Variants in SYT14 observed in about 807,000 individuals in gnomAD.
SYT14 encodes synaptotagmin 14, also known as synaptotagmin-14.
Under a neutral mutation model 74.2 loss-of-function variants are expected in SYT14, and 32 were observed. That is an observed-to-expected ratio of 0.43 (90% CI 0.33 to 0.58). The LOEUF is 0.58. Among genes scored for constraint, SYT14 ranks in the 20% least tolerant of loss-of-function variants. The pLI is 0.05. For synonymous variants in SYT14, 298 were observed against 337.7 expected, an observed-to-expected ratio of 0.88 and a Z score of 1.29; for missense variants, 791 against 981.8, an observed-to-expected ratio of 0.81 and a Z score of 2.60.
At chr1:210,045,687 A>G (rs541687875) in intron 5 of SYT14, among the ~76,000 whole-genome samples, 2 of 152,338 alleles carry the variant, frequency 1.3e-5, no homozygotes, top group Non-Finnish European at 2.9e-5. Context: ...ATTTGGAGAT[A>G]TATTTATCAG....
intron 5 of SYT14, among the ~76,000 whole-genome samples, chr1:210,044,580 G>A (rs1050997559): frequency 6.6e-6 from 1 of 152,162 alleles, no homozygotes; most frequent in Non-Finnish European, 1.5e-5. Context: ...TCTGGATCTT[G>A]TAGTTTTGAT....
intron 1 of SYT14, among the ~76,000 whole-genome samples, chr1:209,941,354 A>G (rs1201666685): frequency 6.6e-6 from 1 of 152,180 alleles, no homozygotes; most frequent in African/African-American, 2.4e-5. Flanking sequence ...TTTGAAAGGC[A>G]TTTTGAAATA....
intron 5 of SYT14, among the ~76,000 whole-genome samples, chr1:210,083,636 C>A (rs959755971): frequency 6.6e-6 from 1 of 151,596 alleles, no homozygotes; most frequent in Non-Finnish European, 1.5e-5. Flanking sequence ...GTGGTGTGAT[C>A]ATGGCTCACT....
intron 7 of SYT14, among the ~76,000 whole-genome samples, chr1:210,121,539 A>T (rs940013244): frequency 2.0e-5 from 3 of 152,198 alleles, no homozygotes; most frequent in African/African-American, 4.8e-5. Context: ...TCACACCTGT[A>T]ATCCCAGCAC....
At chr1:209,948,072 T>C (rs2078850493) in intron 1 of SYT14, among the ~76,000 whole-genome samples, 1 of 152,232 alleles carries the variant, frequency 6.6e-6, no homozygotes, top group East Asian at 1.9e-4. Context: ...ACATAACTTT[T>C]GTATGCACTG....
chr1:209,944,256 C>T (rs1223198428), intron 1 of SYT14, among the ~76,000 whole-genome samples: 1 of 152,070 alleles, frequency 6.6e-6, no homozygotes, highest in Non-Finnish European at 1.5e-5. Flanking sequence ...TTTTTGTGAG[C>T]ACATACTTAA....
chr1:209,953,612 A>G (rs982698528), intron 2 of SYT14, among the ~76,000 whole-genome samples: 2 of 152,178 alleles, frequency 1.3e-5, no homozygotes, highest in Non-Finnish European at 2.9e-5. Context: ...ATGGCAGGAA[A>G]ATATCAGCAT....
chr1:210,139,016 AAT>A (rs2082849305), intron 7 of SYT14, among the ~76,000 whole-genome samples: 1 of 152,090 alleles, frequency 6.6e-6, no homozygotes. Flanking sequence ...TAAATGTACT[AAT>A]ACAATGCTAT....
At chr1:210,029,313 C>T (rs768041273) in intron 5 of SYT14, among the ~76,000 whole-genome samples, 38 of 151,984 alleles carry the variant, frequency 2.5e-4, no homozygotes, top group Non-Finnish European at 4.6e-4. Context: ...GTTTTCTGTG[C>T]CTTTGATGTC....
At chr1:210,130,102 C>T (rs1218926860) in intron 7 of SYT14, among the ~76,000 whole-genome samples, 2 of 152,304 alleles carry the variant, frequency 1.3e-5, no homozygotes, top group African/African-American at 4.8e-5. Context: ...CCATATCATT[C>T]AGAAAACTAT....
At chr1:209,946,045 T>G (rs2078818059) in intron 1 of SYT14, among the ~76,000 whole-genome samples, 1 of 152,216 alleles carries the variant, frequency 6.6e-6, no homozygotes, top group Non-Finnish European at 1.5e-5. Flanking sequence ...TTGATGCTAC[T>G]ATTGTAATTG....
chr1:210,026,614 A>G (rs978032526), intron 5 of SYT14, among the ~76,000 whole-genome samples: 5 of 148,760 alleles, frequency 3.4e-5, no homozygotes, highest in Non-Finnish European at 7.4e-5. Context: ...TTACACACAC[A>G]CACACACACA....
intron 7 of SYT14, among the ~76,000 whole-genome samples, chr1:210,126,092 A>G (rs1034778944): frequency 6.6e-6 from 1 of 152,092 alleles, no homozygotes; most frequent in African/African-American, 2.4e-5. Context: ...AATTCCAGCT[A>G]TGCGGGAGCC....
At chr1:209,957,087 T>A (rs1446604498) in intron 2 of SYT14, among the ~76,000 whole-genome samples, 1 of 152,170 alleles carries the variant, frequency 6.6e-6, no homozygotes, top group South Asian at 2.1e-4. Context: ...GACTGAGTTA[T>A]GCTGAAAGTA....
chr1:210,069,007 TC>T (rs932298692), intron 5 of SYT14, among the ~76,000 whole-genome samples: 2 of 151,920 alleles, frequency 1.3e-5, no homozygotes, highest in African/African-American at 4.8e-5. Flanking sequence ...TTATAATTTT[TC>T]TAATTGCTGT....
At chr1:210,123,936 C>T (rs569014639) in intron 7 of SYT14, among the ~76,000 whole-genome samples, 1 of 152,090 alleles carries the variant, frequency 6.6e-6, no homozygotes, top group East Asian at 1.9e-4. Context: ...AAAAAATGCT[C>T]AGAAAAAGGA....
At chr1:210,061,358 C>T (rs988195453) in intron 5 of SYT14, among the ~76,000 whole-genome samples, 6 of 151,868 alleles carry the variant, frequency 4.0e-5, no homozygotes, top group Non-Finnish European at 7.4e-5. Flanking sequence ...AAAATATATG[C>T]GTTTATTCTT....
chr1:210,129,638 C>T (rs1006055207), intron 7 of SYT14, among the ~76,000 whole-genome samples: 13 of 152,164 alleles, frequency 8.5e-5, no homozygotes, highest in African/African-American at 3.1e-4. Context: ...AGTGATTGGA[C>T]ATAATATACA....
At chr1:210,152,019 CAG>C (rs1179809425) in intron 7 of SYT14, among the ~76,000 whole-genome samples, 2 of 152,190 alleles carry the variant, frequency 1.3e-5, no homozygotes, top group Non-Finnish European at 2.9e-5. Flanking sequence ...AATATTCTAA[CAG>C]ATGCTGCTAG....
Sources: gnomAD v4.1 joint callset for allele counts (sites outside exome capture counted in the v4.1 genomes callset) on GRCh38, gnomAD v4.1.1 for gene constraint, MANE v1.5 for transcripts, NCBI Gene and HGNC (gene_info 2026-07-23, HGNC 2026-07-21) for gene names.